UBASH3B: variants seen among roughly 807,000 people sequenced by gnomAD.
UBASH3B encodes ubiquitin associated and SH3 domain containing B, also known as ubiquitin-associated and SH3 domain-containing protein B.
A neutral mutation model predicts 83.4 loss-of-function variants in UBASH3B; 37 were observed. That is an observed-to-expected ratio of 0.44 (90% CI 0.34 to 0.58). The LOEUF (loss-of-function observed/expected upper bound fraction) is 0.58, where lower values mean the gene tolerates loss of function less well. Ranked by LOEUF, UBASH3B falls within the 20% of genes least tolerant of loss-of-function variation. The pLI is 0.01. For missense variants in UBASH3B, 657 were observed against 827.2 expected (o/e 0.79, Z 2.52); for synonymous variants, 304 against 318.3 (o/e 0.96, Z 0.48).
rs1246557678 is a variant in UBASH3B, at chr11:122,730,004, AG to A, written c.162-46213del. On this transcript the variant is annotated intron_variant, in intron 1 of 13. Coordinates refer to ENST00000284273, the MANE Select transcript of UBASH3B (RefSeq NM_032873.5). Reference sequence around the variant, plus strand: ...AAAAAAAAAAAAAAAAAAAAAAAAAAGGCCAGGTGCAGTGGCTCACACCTGT... The same window carrying A: ...AAAAAAAAAAAAAAAAAAAAAAAAAAGCCAGGTGCAGTGGCTCACACCTGT... Among the ~76,000 whole-genome samples the A allele has an allele frequency of 3.5e-4, 47 of 134,428 alleles. 1 individual carries two copies. Among genetic ancestry groups the A allele is most frequent in the African/African-American group, 1.3e-3 (46 of 36,588 alleles). 88.2% of individuals were successfully genotyped at this position (134,428 alleles called of 152,430 possible).
intron 1 of UBASH3B, chr11:122,727,727 G>C (rs1945396): frequency 0.048 from 7,311 of 152,352 alleles, 209 homozygotes; most frequent in South Asian, 0.073. Flanking sequence ...TTCTTAGGTA[G>C]AGCATAAGGC....
chr11:122,774,763 C>G (rs1860703971), intron 1 of UBASH3B, among the ~76,000 whole-genome samples: 1 of 152,208 alleles, frequency 6.6e-6, no homozygotes, highest in African/African-American at 2.4e-5. Flanking sequence ...AGGTCAGACA[C>G]TGTCCAAGGC....
chr11:122,733,091 G>A (rs536369873), intron 1 of UBASH3B, among the ~76,000 whole-genome samples: 2 of 152,300 alleles, frequency 1.3e-5, no homozygotes, highest in South Asian at 2.1e-4. Context: ...TTAAAGACTC[G>A]AAGCCTTTGT....
intron 1 of UBASH3B, among the ~76,000 whole-genome samples, chr11:122,745,769 G>A (rs781121272): frequency 5.3e-5 from 8 of 152,160 alleles, no homozygotes; most frequent in Non-Finnish European, 8.8e-5. Flanking sequence ...CCGCTGTTCC[G>A]TCACTCTTGT....
At chr11:122,677,125 T>C (rs1863678890) in intron 1 of UBASH3B, among the ~76,000 whole-genome samples, 1 of 152,260 alleles carries the variant, frequency 6.6e-6, no homozygotes, top group Admixed American at 6.5e-5. Context: ...TTTCCTGCCA[T>C]TATTTCCTGA....
At chr11:122,779,123 A>G (rs2135144830) in intron 3 of UBASH3B, among the ~76,000 whole-genome samples, 1 of 152,294 alleles carries the variant, frequency 6.6e-6, no homozygotes, top group East Asian at 1.9e-4. Flanking sequence ...TGTGCTGTAC[A>G]ATAGGTCTCT....
rs58154306 is a variant in UBASH3B, at chr11:122,657,773, A to T, written c.161+1563A>T. Among the ~76,000 whole-genome samples, 1,467 of 152,208 alleles carry T rather than the reference A, an allele frequency of 9.6e-3. 20 individuals carry two copies. Among genetic ancestry groups the T allele is most frequent in the African/African-American group, 0.034 (1,404 of 41,522 alleles). ...CGTCCCAATACGACTTCCTAATACTAGGGCTCCAGTTCCTGATACCAGAAT... is the reference window on the plus strand; with the variant it reads ...CGTCCCAATACGACTTCCTAATACTTGGGCTCCAGTTCCTGATACCAGAAT... On this transcript the variant is annotated intron_variant, in intron 1 of 13. Coordinates refer to ENST00000284273, the MANE Select transcript of UBASH3B (RefSeq NM_032873.5).
intron 1 of UBASH3B, among the ~76,000 whole-genome samples, chr11:122,699,480 G>A (rs1483019701): frequency 6.6e-6 from 1 of 150,486 alleles, no homozygotes; most frequent in African/African-American, 2.5e-5. Flanking sequence ...CACATCAGAT[G>A]ACTGATTTTT....
rs1003963347 is a variant in UBASH3B, at chr11:122,810,750, C to A, written c.*864C>A. 6.6e-6 allele frequency: 1 copy of A among 152,236 alleles called. No homozygotes were observed. Among genetic ancestry groups the A allele is most frequent in the African/African-American group, 2.4e-5 (1 of 41,402 alleles). The allele number at this position is 152,236 out of a possible 1,614,324, so 9.4% of individuals were successfully genotyped here. A position where few individuals can be genotyped will look rare whatever the true frequency, so the allele number is the denominator to read the frequency against. On this transcript the variant is annotated 3_prime_UTR_variant, in exon 14 of 14. Transcript: ENST00000284273. Reference sequence around the variant, plus strand: ...AATCATCAATATTTGCTTGTCTTTGCCCCTAGACTCTAGACTATGTTAACT... The same window carrying A: ...AATCATCAATATTTGCTTGTCTTTGACCCTAGACTCTAGACTATGTTAACT...
intron 1 of UBASH3B, among the ~76,000 whole-genome samples, chr11:122,751,485 C>G (rs377598833): frequency 2.0e-5 from 3 of 152,158 alleles, no homozygotes; most frequent in Admixed American, 2.0e-4. Flanking sequence ...GGCCAGCAGC[C>G]GGCTTCAGGG....
intron 1 of UBASH3B, among the ~76,000 whole-genome samples, chr11:122,750,353 G>A (rs992446080): frequency 6.6e-6 from 1 of 152,240 alleles, no homozygotes; most frequent in Non-Finnish European, 1.5e-5. Flanking sequence ...GGGTGGAACC[G>A]GGAGGGACAC....
intron 1 of UBASH3B, among the ~76,000 whole-genome samples, chr11:122,671,766 C>T (rs1199692793): frequency 6.6e-6 from 1 of 152,190 alleles, no homozygotes; most frequent in African/African-American, 2.4e-5. Context: ...GTGAGATGGC[C>T]TGCATTGTGC....
intron 1 of UBASH3B, among the ~76,000 whole-genome samples, chr11:122,725,842 C>T (rs1323212907): frequency 1.3e-5 from 2 of 151,634 alleles, no homozygotes; most frequent in Non-Finnish European, 2.9e-5. Flanking sequence ...TATAGGTGTG[C>T]ACCACCACGC....
chr11:122,791,539 G>A (rs571278941), intron 6 of UBASH3B, among the ~76,000 whole-genome samples: 1 of 152,304 alleles, frequency 6.6e-6, no homozygotes, highest in Admixed American at 6.5e-5. Flanking sequence ...CAAAGGAAAT[G>A]TGTCTTCCAT....
intron 1 of UBASH3B, among the ~76,000 whole-genome samples, chr11:122,710,518 C>G (rs573279834): frequency 2.4e-4 from 36 of 152,356 alleles, no homozygotes; most frequent in African/African-American, 8.4e-4. Context: ...TGATCTCCCC[C>G]ACCTGAAAAG....
intron 1 of UBASH3B, among the ~76,000 whole-genome samples, chr11:122,694,965 T>C (rs1391004164): frequency 1.6e-5 from 2 of 123,878 alleles, no homozygotes; most frequent in Non-Finnish European, 3.5e-5. Context: ...TTTTTTTTTT[T>C]TTTTTTTTTT....
chr11:122,756,059 C>T (rs1026795999), intron 1 of UBASH3B, among the ~76,000 whole-genome samples: 5 of 145,066 alleles, frequency 3.4e-5, no homozygotes, highest in African/African-American at 1.2e-4. Context: ...GAATCCATCC[C>T]GATTTAGGCA....
Position 122,799,041 on chromosome 11 carries a change from C to T in UBASH3B, c.1450+7C>T. 1 of 1,612,978 alleles carries T rather than the reference C, an allele frequency of 6.2e-7. No homozygotes were observed. On this transcript the variant is annotated splice_region_variant and intron_variant, in intron 10 of 13. Transcript: ENST00000284273. ...GCACACAATATCTTGAAAGGTAAGA[C>T]TTGCAGGTTGACAAAAACAAGTAGT...
Position 122,759,276 on chromosome 11 carries a change from AG to A in UBASH3B, c.162-16941del, listed in dbSNP as rs777076015. Among the ~76,000 whole-genome samples the A allele has an allele frequency of 3.5e-4, 54 of 152,120 alleles. No individual in the cohort carries two copies. The highest frequency in any genetic ancestry group is 7.2e-4 in the Non-Finnish European group (49 of 68,030). The stretch of plus-strand genomic sequence containing the variant: ...CCTTGCCACGTGGCTGTCTTTTCAT[AG>A]GCAGTCCACAACATGCTGCTTCTCC... On this transcript the variant is annotated intron_variant, in intron 1 of 13. Coordinates refer to ENST00000284273, the MANE Select transcript of UBASH3B (RefSeq NM_032873.5). This position sits in a 1 kb window ranked among gnomAD's most constrained non-coding sequence, Gnocchi z 4.1.
Sources: gnomAD v4.1 joint callset for allele counts (sites outside exome capture counted in the v4.1 genomes callset) on GRCh38, gnomAD v4.1.1 for gene constraint, Gnocchi (gnomAD v3.1) non-coding constraint, MANE v1.5 for transcripts, NCBI Gene and HGNC (gene_info 2026-07-23, HGNC 2026-07-21) for gene names.